Variants in BRIP1 observed in about 807,000 individuals in gnomAD.
BRIP1 encodes Fanconi anemia group J protein.
In BRIP1, 88 loss-of-function variants were observed where a neutral mutation model predicts 119.7. That is an observed-to-expected ratio of 0.74 (90% CI 0.62 to 0.88). The LOEUF (loss-of-function observed/expected upper bound fraction) is 0.88. Among genes scored for constraint, BRIP1 ranks in the 40% least tolerant of loss-of-function variants. BRIP1 has a pLI of 0.00. For missense variants in BRIP1, 1,259 were observed against 1,455.4 expected, an observed-to-expected ratio of 0.87 and a Z score of 2.20; for synonymous variants, 443 against 496.5, an observed-to-expected ratio of 0.89 and a Z score of 1.43.
chr17:61,833,977 C>G (rs2078531898), intron 6 of BRIP1, among the ~76,000 whole-genome samples: 1 of 152,114 alleles, frequency 6.6e-6, no homozygotes, highest in Non-Finnish European at 1.5e-5. Context: ...CACAACTACT[C>G]AACTTTACTG....
Position 61,746,219 on chromosome 17 carries a change from T to G in BRIP1, c.2098-1628A>C, listed in dbSNP as rs747176304. Among the ~76,000 whole-genome samples, 2 of 152,182 alleles carry G rather than the reference T, an allele frequency of 1.3e-5. No homozygotes were observed. The highest frequency in any genetic ancestry group is 2.9e-5 in the Non-Finnish European group (2 of 68,004). On this transcript the variant is annotated intron_variant, in intron 14 of 19. Transcript: ENST00000259008. The surrounding 1 kb of genome is among the most constrained non-coding windows in gnomAD (Gnocchi z 4.9). The stretch of plus-strand genomic sequence containing the variant: ...TTTAATTAAATAGGAAGAACTACTT[T>G]AATTCCATAAACACAGCTAAGAAGT...
In BRIP1 at chr17:61,799,232, C is replaced by G. The variant is rs786202780; in HGVS notation, c.1208G>C (p.Arg403Pro). ...TGTTACACTGTAACTTGCTGATTCC[C>G]GAGCACAGTCCTCGATGTTATGAGC... is the stretch of plus-strand genomic sequence containing the variant. ...DEAHNIEDCARESASYSVTEV... is the reference protein window; with the variant it reads ...DEAHNIEDCAPESASYSVTEV... Residue 403 changes from arginine (R) to proline (P), a missense_variant, in exon 9 of 20, where the codon CGG (arginine) becomes CCG (proline). Arg to Pro is a moderately radical substitution (Grantham distance 103). This residue lies in a region of BRIP1 where 501 missense variants were observed against 544.0 expected (regional missense o/e 0.92). Coordinates refer to ENST00000259008, the MANE Select transcript of BRIP1 (RefSeq NM_032043.3). This position sits in a 1 kb window ranked among gnomAD's most constrained non-coding sequence, Gnocchi z 5.1. 2.5e-6 allele frequency: 4 copies of G among 1,613,568 alleles called. No individual in the cohort carries two copies. The South Asian group carries it at 3.3e-5, about 13-fold the overall frequency.
intron 17 of BRIP1, among the ~76,000 whole-genome samples, chr17:61,698,918 T>C (rs1014160485): frequency 1.3e-5 from 2 of 152,092 alleles, no homozygotes; most frequent in Non-Finnish European, 2.9e-5. Context: ...GGTTTCATCA[T>C]GTTACCTAGG....
In BRIP1 at chr17:61,776,581, A is replaced by G; in HGVS notation, c.1936-19T>C. On this transcript the variant is annotated intron_variant, in intron 13 of 19. Coordinates refer to ENST00000259008, the MANE Select transcript of BRIP1 (RefSeq NM_032043.3). This position sits in a 1 kb window ranked among gnomAD's most constrained non-coding sequence, Gnocchi z 5.0. ...CCCAAACCTAGAATATGAATATGTCATTATTAGAGTTATGCCTGAAAAAGG... is the reference window on the plus strand; with the variant it reads ...CCCAAACCTAGAATATGAATATGTCGTTATTAGAGTTATGCCTGAAAAAGG... 6.2e-7 allele frequency: 1 copy of G among 1,612,724 alleles called. No individual in the cohort carries two copies. The highest frequency in any genetic ancestry group is 8.5e-7 in the Non-Finnish European group (1 of 1,178,708).
rs2061747067 is a variant in BRIP1, at chr17:61,709,982, T to C, written c.2492+5969A>G. Among the ~76,000 whole-genome samples, 1 of 152,186 alleles carries C rather than the reference T, an allele frequency of 6.6e-6. No homozygotes were observed. Among genetic ancestry groups the C allele is most frequent in the Non-Finnish European group, 1.5e-5 (1 of 68,022 alleles). ...CCTCAGAGTATAAGCACCTTTTCTG[T>C]CAATCAATATACATTATGAGTTTTA... On this transcript the variant is annotated intron_variant, in intron 17 of 19. Transcript: ENST00000259008. The surrounding 1 kb of genome is among the most constrained non-coding windows in gnomAD (Gnocchi z 5.0).
chr17:61,724,298 T>A lies in BRIP1; in HGVS notation c.2380-8235A>T, dbSNP rs1234753420. On this transcript the variant is annotated intron_variant, in intron 16 of 19. Coordinates refer to ENST00000259008, the MANE Select transcript of BRIP1 (RefSeq NM_032043.3). This position sits in a 1 kb window ranked among gnomAD's most constrained non-coding sequence, Gnocchi z 5.1. ...TTTTACCATTATATCATAATGTACT[T>A]GAGATTGAACAGAAAGTTTCTTAAG... Among the ~76,000 whole-genome samples the A allele has an allele frequency of 6.6e-6, 1 of 152,124 alleles. No individual in the cohort carries two copies. Among genetic ancestry groups the A allele is most frequent in the African/African-American group, 2.4e-5 (1 of 41,446 alleles).
chr17:61,840,553 G>A (rs1400165975), intron 6 of BRIP1, among the ~76,000 whole-genome samples: 3 of 152,094 alleles, frequency 2.0e-5, no homozygotes, highest in South Asian at 2.1e-4. Flanking sequence ...AAGGCAGGTG[G>A]ATCGCTTAAG....
chr17:61,838,419 G>C (rs990263912), intron 6 of BRIP1, among the ~76,000 whole-genome samples: 2 of 151,796 alleles, frequency 1.3e-5, no homozygotes, highest in Non-Finnish European at 2.9e-5. Flanking sequence ...GGTGACGGGC[G>C]CCTGTAGTCC....
At chr17:61,821,538 T>A (rs902375038) in intron 6 of BRIP1, among the ~76,000 whole-genome samples, 1 of 148,784 alleles carries the variant, frequency 6.7e-6, no homozygotes, top group Non-Finnish European at 1.5e-5. Flanking sequence ...TTTAATTTTA[T>A]TTTTTTTTAC....
rs1238370688 is a variant in BRIP1, at chr17:61,735,448, G to A, written c.2379+7565C>T. The stretch of plus-strand genomic sequence containing the variant: ...ACTGTCATGATACGAGGGGGCTTGT[G>A]AAAAGGCCACATGGCAAGAAACTGT... On this transcript the variant is annotated intron_variant, in intron 16 of 19. Transcript: ENST00000259008. The surrounding 1 kb of genome is among the most constrained non-coding windows in gnomAD (Gnocchi z 4.4). Among the ~76,000 whole-genome samples, 3 of 152,098 alleles carry A rather than the reference G, an allele frequency of 2.0e-5. No individual in the cohort carries two copies. Among genetic ancestry groups the A allele is most frequent in the Non-Finnish European group, 4.4e-5 (3 of 68,024 alleles).
Position 61,705,456 on chromosome 17 carries a change from C to T in BRIP1, c.2492+10495G>A, listed in dbSNP as rs1327044448. Among the ~76,000 whole-genome samples the T allele has an allele frequency of 6.6e-6, 1 of 152,098 alleles. No homozygotes were observed. The highest frequency in any genetic ancestry group is 1.9e-4 in the East Asian group (1 of 5,198). ...ATTTATTTTCCTTTGGGCATATAACCAGTAATGGGATTGCTGAGTTGAATG... is the reference window on the plus strand; with the variant it reads ...ATTTATTTTCCTTTGGGCATATAACTAGTAATGGGATTGCTGAGTTGAATG... On this transcript the variant is annotated intron_variant, in intron 17 of 19. Transcript: ENST00000259008. The surrounding 1 kb of genome is among the most constrained non-coding windows in gnomAD (Gnocchi z 5.0).
rs1028960988 is a variant in BRIP1, at chr17:61,775,312, C to G, written c.2097+1089G>C. Among the ~76,000 whole-genome samples the G allele has an allele frequency of 2.0e-5, 3 of 152,034 alleles. No homozygotes were observed. Among genetic ancestry groups the G allele is most frequent in the Non-Finnish European group, 4.4e-5 (3 of 67,976 alleles). Reference sequence around the variant, plus strand: ...ATCTGATTAAATATGTTTTTGAAAACAAATCCTTTAATTTATCTACAAGAG... The same window carrying G: ...ATCTGATTAAATATGTTTTTGAAAAGAAATCCTTTAATTTATCTACAAGAG... On this transcript the variant is annotated intron_variant, in intron 14 of 19. Coordinates refer to ENST00000259008, the MANE Select transcript of BRIP1 (RefSeq NM_032043.3). This position sits in a 1 kb window ranked among gnomAD's most constrained non-coding sequence, Gnocchi z 4.4.
chr17:61,801,362 C>T lies in BRIP1; in HGVS notation c.1031G>A (p.Gly344Glu), dbSNP rs751841684. The stretch of plus-strand genomic sequence containing the variant: ...ATATGGACAGGCCTTTAGTTTCTTC[C>T]CCAGGCTGACAAGTTCTTCTATATC... ...AWDIEELVSL[G>E]KKLKACPYYT... The change falls in exon 8 of 20, where the codon GGG becomes GAG. Residue 344 changes from glycine (G) to glutamate (E), a missense_variant. Physicochemically the swap from Gly to Glu is moderately conservative, Grantham distance 98. This residue lies in a region of BRIP1 where 501 missense variants were observed against 544.0 expected (regional missense o/e 0.92). Transcript: ENST00000259008. 1.2e-6 allele frequency: 2 copies of T among 1,613,900 alleles called. No homozygotes were observed. Among genetic ancestry groups the T allele is most frequent in the South Asian group, 1.1e-5 (1 of 91,070 alleles).
chr17:61,808,772 A>G lies in BRIP1; in HGVS notation c.628-15T>C. On this transcript the variant is annotated splice_polypyrimidine_tract_variant and intron_variant, in intron 6 of 19. Coordinates refer to ENST00000259008, the MANE Select transcript of BRIP1 (RefSeq NM_032043.3). This position sits in a 1 kb window ranked among gnomAD's most constrained non-coding sequence, Gnocchi z 4.1. ...TGGCCAGGGGGCTGTAAGAAAGGAAAGAAACGATAACTAATATCTAAACTA... is the reference window on the plus strand; with the variant it reads ...TGGCCAGGGGGCTGTAAGAAAGGAAGGAAACGATAACTAATATCTAAACTA... The G allele has an allele frequency of 6.2e-7, 1 of 1,608,898 alleles. No individual in the cohort carries two copies. Among genetic ancestry groups the G allele is most frequent in the Non-Finnish European group, 8.5e-7 (1 of 1,179,044 alleles).
rs768663342 is a variant in BRIP1, at chr17:61,710,638, T to C, written c.2492+5313A>G. Among the ~76,000 whole-genome samples the C allele has an allele frequency of 6.6e-6, 1 of 152,198 alleles. No homozygotes were observed. The highest frequency in any genetic ancestry group is 1.5e-5 in the Non-Finnish European group (1 of 68,034). ...TGATAGTTTAATACTGACATACTTA[T>C]GTTTAATAGTGAAAAATTCGGTGGC... On this transcript the variant is annotated intron_variant, in intron 17 of 19. Transcript: ENST00000259008. This position sits in a 1 kb window ranked among gnomAD's most constrained non-coding sequence, Gnocchi z 5.4.
rs186993452 is a variant in BRIP1 at position 61,845,817 on chromosome 17, C to A, written c.627+1284G>T. Among the ~76,000 whole-genome samples, 46 of 152,190 alleles carry A rather than the reference C, an allele frequency of 3.0e-4. No individual in the cohort carries two copies. Among genetic ancestry groups the A allele is most frequent in the Admixed American group, 2.9e-3 (45 of 15,294 alleles). ...TCAGACAGAATGTTAAAAACCTAAACGGCTGAGATTAAATAAAATTAGTAA... is the reference window on the plus strand; with the variant it reads ...TCAGACAGAATGTTAAAAACCTAAAAGGCTGAGATTAAATAAAATTAGTAA... On this transcript the variant is annotated intron_variant, in intron 6 of 19. Coordinates refer to ENST00000259008, the MANE Select transcript of BRIP1 (RefSeq NM_032043.3). This position sits in a 1 kb window ranked among gnomAD's most constrained non-coding sequence, Gnocchi z 4.2.
In BRIP1 at chr17:61,744,714, A is replaced by AT; in HGVS notation, c.2098-124_2098-123insA. 10 of 878,844 alleles carry AT rather than the reference A, an allele frequency of 1.1e-5. No individual in the cohort carries two copies. The highest frequency in any genetic ancestry group is 1.8e-5 in the Non-Finnish European group (10 of 545,438). The allele number at this position is 878,844 out of a possible 1,614,324, so 54.4% of individuals were successfully genotyped here. ...TCTCTCTGTGTCTTTTCTCATTTAT[A>AT]AAATGAGGAAAACAATATATCTCAT... is the stretch of plus-strand genomic sequence containing the variant. On this transcript the variant is annotated intron_variant, in intron 14 of 19. Coordinates refer to ENST00000259008, the MANE Select transcript of BRIP1 (RefSeq NM_032043.3). The surrounding 1 kb of genome is among the most constrained non-coding windows in gnomAD (Gnocchi z 5.0).
chr17:61,733,847 A>C (rs2076883062), intron 16 of BRIP1, among the ~76,000 whole-genome samples: 1 of 82,944 alleles, frequency 1.2e-5, no homozygotes, highest in Non-Finnish European at 2.8e-5. Context: ...TTAGCATGAT[A>C]AATTATTTTA....
At position 61,796,177 on chromosome 17, in the gene BRIP1, G is replaced by A. The variant is rs886717557; in HGVS notation, c.1341-2448C>T. ...TAATCCCTTGTCAGATGGGTAGTTTGCAAATATTTTCTCCCATTCTGTGGG... is the reference window on the plus strand; with the variant it reads ...TAATCCCTTGTCAGATGGGTAGTTTACAAATATTTTCTCCCATTCTGTGGG... On this transcript the variant is annotated intron_variant, in intron 9 of 19. Transcript: ENST00000259008. The surrounding 1 kb of genome is among the most constrained non-coding windows in gnomAD (Gnocchi z 4.8). Among the ~76,000 whole-genome samples, 11 of 151,882 alleles carry A rather than the reference G, an allele frequency of 7.2e-5. No individual in the cohort carries two copies. Among genetic ancestry groups the A allele is most frequent in the African/African-American group, 2.4e-4 (10 of 41,384 alleles).
Sources: allele counts gnomAD v4.1 joint callset (sites outside exome capture counted in the v4.1 genomes callset), GRCh38; gene constraint gnomAD v4.1.1; regional missense constraint gnomAD v4.1.1; non-coding constraint Gnocchi (gnomAD v3.1); transcripts MANE v1.5; gene names NCBI Gene and HGNC (gene_info 2026-07-23, HGNC 2026-07-21).